The following EDIL3 variants were observed in gnomAD, a reference collection of about 807,000 sequenced individuals.
EDIL3 encodes EGF like and discoidin domains 3.
In EDIL3, 37 loss-of-function variants were observed where a neutral mutation model predicts 67.4. That is an observed-to-expected ratio of 0.55 (90% CI 0.42 to 0.72). EDIL3 has a LOEUF of 0.72. Among genes scored for constraint, EDIL3 ranks in the 30% least tolerant of loss-of-function variants. The pLI is 0.00. For missense variants in EDIL3, 527 were observed against 586.3 expected (o/e 0.90, Z 1.04); for synonymous variants, 195 against 196.3 (o/e 0.99, Z 0.05).
At chr5:84,268,489 TA>T (rs2112093088) in intron 1 of EDIL3, among the ~76,000 whole-genome samples, 1 of 152,292 alleles carries the variant, frequency 6.6e-6, no homozygotes, top group East Asian at 1.9e-4. Context: ...CAGACATAGA[TA>T]TCAATATATT....
rs148070904 is a variant in EDIL3 at position 84,319,165 on chromosome 5, G to T, written c.68-64953C>A. 2.2e-3 allele frequency among the ~76,000 whole-genome samples: 337 copies of T among 149,782 alleles called. 2 individuals are homozygous for T. Among genetic ancestry groups the T allele is most frequent in the African/African-American group, 7.8e-3 (317 of 40,778 alleles). On this transcript the variant is annotated intron_variant, in intron 1 of 10. Coordinates refer to ENST00000296591, the MANE Select transcript of EDIL3 (RefSeq NM_005711.5). ...AAGTCAGGAAACAACAGATGCTGCA[G>T]AGGATGTGAAGAAATAGGAATGCTT...
rs377094407 is a variant in EDIL3 at position 84,027,850 on chromosome 5, C to T, written c.1137+32450G>A. ...ATAAAAAGGGTGGATCCTGAAGACA[C>T]TTTGTAATATTGGTGCCCCTGACCC... On this transcript the variant is annotated intron_variant, in intron 9 of 10. Transcript: ENST00000296591. Among the ~76,000 whole-genome samples, 24 of 152,196 alleles carry T rather than the reference C, an allele frequency of 1.6e-4. No individual in the cohort carries two copies. In the South Asian group the frequency reaches 4.6e-3, roughly 29 times the overall value.
At chr5:84,151,735 G>A (rs1414852343) in intron 4 of EDIL3, among the ~76,000 whole-genome samples, 4 of 152,108 alleles carry the variant, frequency 2.6e-5, no homozygotes, top group East Asian at 1.9e-4. Flanking sequence ...AAACTATAAC[G>A]GGGGTTAGCT....
rs114187549 is a variant in EDIL3 at position 84,059,542 on chromosome 5, G to C, written c.1137+758C>G. On this transcript the variant is annotated intron_variant, in intron 9 of 10. Coordinates refer to ENST00000296591, the MANE Select transcript of EDIL3 (RefSeq NM_005711.5). ...ATTTGCTATTTTAAATTGTTTTCAT[G>C]ATTTCTGGGAATGCAATGAACTACT... is the stretch of plus-strand genomic sequence containing the variant. 9.1e-4 allele frequency among the ~76,000 whole-genome samples: 138 copies of C among 152,220 alleles called. 1 individual carries two copies. Among genetic ancestry groups the C allele is most frequent in the African/African-American group, 3.2e-3 (131 of 41,536 alleles).
In EDIL3 at chr5:83,998,370, C is replaced by A. The variant is rs148745185; in HGVS notation, c.1138-35010G>T. 7.7e-4 allele frequency among the ~76,000 whole-genome samples: 117 copies of A among 152,264 alleles called. 1 individual carries two copies. Among genetic ancestry groups the A allele is most frequent in the African/African-American group, 2.7e-3 (111 of 41,562 alleles). ...ACTCGCTACGTTGAAGGGAAAGAAG[C>A]AGTTCTGGCAGGATTTATCACCTGC... On this transcript the variant is annotated intron_variant, in intron 9 of 10. Transcript: ENST00000296591.
intron 2 of EDIL3, among the ~76,000 whole-genome samples, chr5:84,238,161 GTA>G (rs1219897657): frequency 7.9e-5 from 12 of 152,068 alleles, no homozygotes; most frequent in Non-Finnish European, 1.3e-4. Context: ...GTGTGTGTGT[GTA>G]TGTGTGTGTG....
In EDIL3 at chr5:84,167,383, T is replaced by C. The variant is rs548959097; in HGVS notation, c.355+13010A>G. On this transcript the variant is annotated intron_variant, in intron 4 of 10. Coordinates refer to ENST00000296591, the MANE Select transcript of EDIL3 (RefSeq NM_005711.5). ...CAGACTCCCACACCTCTCCTCTCTC[T>C]CCCCTTCTTTTCCTCCTTCTCTCCC... Among the ~76,000 whole-genome samples the C allele has an allele frequency of 2.6e-4, 39 of 152,140 alleles. 1 individual carries two copies. In the South Asian group the frequency reaches 7.7e-3, roughly 30 times the overall value.
intron 4 of EDIL3, among the ~76,000 whole-genome samples, chr5:84,168,580 TA>T (rs1334126704): frequency 6.6e-6 from 1 of 152,158 alleles, no homozygotes; most frequent in African/African-American, 2.4e-5. Flanking sequence ...TGCCCACATC[TA>T]TAGTAAAAAG....
At chr5:84,038,651 T>C (rs974737) in intron 9 of EDIL3, among the ~76,000 whole-genome samples, 1 of 152,078 alleles carries the variant, frequency 6.6e-6, no homozygotes, top group Non-Finnish European at 1.5e-5. Flanking sequence ...GGTGCTGTTG[T>C]TGGTGGTGGG....
chr5:83,987,856 T>G (rs909531086), intron 9 of EDIL3, among the ~76,000 whole-genome samples: 1 of 91,876 alleles, frequency 1.1e-5, no homozygotes, highest in Non-Finnish European at 2.1e-5. Context: ...GCTGATAGGG[T>G]GTGTGTGTGT....
At chr5:83,977,693 A>G (rs1388069739) in intron 9 of EDIL3, among the ~76,000 whole-genome samples, 1 of 151,812 alleles carries the variant, frequency 6.6e-6, no homozygotes, top group Non-Finnish European at 1.5e-5. Context: ...ACTACATTTT[A>G]AATGCATTGG....
rs79470566 is a variant in EDIL3 at position 84,135,647 on chromosome 5, A to G, written c.469+1594T>C. Among the ~76,000 whole-genome samples, 983 of 152,258 alleles carry G rather than the reference A, an allele frequency of 6.5e-3. 12 individuals carry two copies. The highest frequency in any genetic ancestry group is 0.023 in the African/African-American group (943 of 41,556). On this transcript the variant is annotated intron_variant, in intron 5 of 10. Coordinates refer to ENST00000296591, the MANE Select transcript of EDIL3 (RefSeq NM_005711.5). ...TGAGCTTGAGTTAACTTAGTGGGTG[A>G]TTAGTTAAATGCTTCACGGGAAGGT...
rs1265897701 is a variant in EDIL3, at chr5:84,147,274, A to G, written c.356-9920T>C. On this transcript the variant is annotated intron_variant, in intron 4 of 10. Coordinates refer to ENST00000296591, the MANE Select transcript of EDIL3 (RefSeq NM_005711.5). ...CAGAGTAGAGAAATTGCTCTAGAGT[A>G]TTTTACCATAAAATGTACCATATGC... Among the ~76,000 whole-genome samples, 3 of 152,022 alleles carry G rather than the reference A, an allele frequency of 2.0e-5. No individual in the cohort carries two copies. In the East Asian group the frequency reaches 5.8e-4, roughly 29 times the overall value.
chr5:84,119,803 T>C (rs988656698), intron 5 of EDIL3, among the ~76,000 whole-genome samples: 21 of 152,044 alleles, frequency 1.4e-4, no homozygotes, highest in African/African-American at 4.6e-4. Flanking sequence ...AAATCTCATT[T>C]CTTGAATTCC....
At chr5:84,035,444 C>A (rs980090793) in intron 9 of EDIL3, among the ~76,000 whole-genome samples, 4 of 152,006 alleles carry the variant, frequency 2.6e-5, no homozygotes, top group African/African-American at 9.7e-5. Context: ...TAATGGTGAT[C>A]CCTTAAAATT....
At chr5:84,384,183 CGCGCCGCCAGCG>C (rs1489247788) in intron 1 of EDIL3, 113 bp downstream of exon 1, 1 of 1,238,748 alleles carries the variant, frequency 8.1e-7, no homozygotes, top group Non-Finnish European at 1.1e-6. Context: ...ACGCCTCCTC[CGCGCCGCCAGCG>C]GCGCTCGCCA....
intron 5 of EDIL3, among the ~76,000 whole-genome samples, chr5:84,125,214 T>C (rs1239663842): frequency 3.3e-5 from 5 of 152,052 alleles, no homozygotes; most frequent in African/African-American, 1.2e-4. Flanking sequence ...GTAAACTGAA[T>C]GGGTCTGTTT....
Position 84,066,864 on chromosome 5 carries a change from A to G in EDIL3, c.652-258T>C, listed in dbSNP as rs369703718. On this transcript the variant is annotated intron_variant, in intron 6 of 10. Coordinates refer to ENST00000296591, the MANE Select transcript of EDIL3 (RefSeq NM_005711.5). ...AAGGGCAATGTGCCCCAAAAACATA[A>G]GTATAGAAAGCATCTGCGTTCTCAC... Among the ~76,000 whole-genome samples, 15 of 152,324 alleles carry G rather than the reference A, an allele frequency of 9.8e-5. No homozygotes were observed. The East Asian group carries it at 2.3e-3, about 23-fold the overall frequency.
chr5:83,943,786 C>T (rs1285724906), intron 10 of EDIL3, among the ~76,000 whole-genome samples: 2 of 151,750 alleles, frequency 1.3e-5, no homozygotes, highest in African/African-American at 2.4e-5. Flanking sequence ...TTAATGCAGA[C>T]ATTCATAGGT....
Sources: allele counts gnomAD v4.1 joint callset (sites outside exome capture counted in the v4.1 genomes callset), GRCh38; gene constraint gnomAD v4.1.1; transcripts MANE v1.5; gene names NCBI Gene and HGNC (gene_info 2026-07-23, HGNC 2026-07-21).